The following SLC6A15 variants were observed in gnomAD, a reference collection of about 807,000 sequenced individuals.
The protein encoded by SLC6A15 is solute carrier family 6 member 15, also known as sodium-dependent neutral amino acid transporter B(0)AT2.
Under a neutral mutation model 68.5 loss-of-function variants are expected in SLC6A15, and 33 were observed. The ratio of observed to expected loss-of-function variants is 0.48; its 90% CI spans 0.37 to 0.64. The LOEUF is 0.64. SLC6A15 is among the 30% of genes least tolerant of loss of function. The probability of loss-of-function intolerance (pLI) is 0.00; values close to 1 mark genes in which losing one functional copy is unlikely to be tolerated. For synonymous variants in SLC6A15, 347 were observed against 301.0 expected (o/e 1.15, Z -1.58); for missense variants, 747 against 874.3 (o/e 0.85, Z 1.84).
At chr12:84,898,128 C>T (rs763275163) in intron 1 of SLC6A15, among the ~76,000 whole-genome samples, 4 of 152,094 alleles carry the variant, frequency 2.6e-5, no homozygotes, top group East Asian at 1.9e-4. Context: ...TCACTTGATG[C>T]CAGGAGTTCA....
intron 2 of SLC6A15, among the ~76,000 whole-genome samples, chr12:84,890,749 A>G (rs1245615653): frequency 6.6e-6 from 1 of 152,196 alleles, no homozygotes; most frequent in Non-Finnish European, 1.5e-5. Context: ...TTACATACGC[A>G]TGGGTTTTAT....
chr12:84,896,761 T>C (rs1872652350), intron 1 of SLC6A15, among the ~76,000 whole-genome samples: 1 of 152,188 alleles, frequency 6.6e-6, no homozygotes, highest in Admixed American at 6.5e-5. Context: ...GGAAACAATG[T>C]GCTTCAGAGT....
chr12:84,884,686 AT>A (rs1348254001), intron 4 of SLC6A15, among the ~76,000 whole-genome samples: 4 of 152,100 alleles, frequency 2.6e-5, no homozygotes, highest in African/African-American at 9.7e-5. Context: ...CTGGGTAAGC[AT>A]TGTCAAATAT....
intron 5 of SLC6A15, among the ~76,000 whole-genome samples, chr12:84,877,991 A>G (rs893811206): frequency 1.3e-5 from 2 of 152,154 alleles, no homozygotes; most frequent in Non-Finnish European, 2.9e-5. Flanking sequence ...AATTGGAACA[A>G]TGGAGGAAAA....
chr12:84,869,683 A>T (rs1237522511), intron 9 of SLC6A15, among the ~76,000 whole-genome samples: 3 of 151,942 alleles, frequency 2.0e-5, no homozygotes, highest in Non-Finnish European at 2.9e-5. Context: ...TCCTCTTTCC[A>T]ATTCAACTTT....
chr12:84,897,141 G>A (rs998189432), intron 1 of SLC6A15, among the ~76,000 whole-genome samples: 1 of 152,010 alleles, frequency 6.6e-6, no homozygotes. Context: ...TGCAGGCAGC[G>A]GTTGCAGAGA....
chr12:84,865,387 ACCT>A (rs1021090883), intron 10 of SLC6A15, among the ~76,000 whole-genome samples: 9 of 152,162 alleles, frequency 5.9e-5, no homozygotes, highest in Admixed American at 2.0e-4. Flanking sequence ...TATGTGCATA[ACCT>A]CCTCCATTAT....
At chr12:84,872,815 C>A (rs779528213) in intron 7 of SLC6A15, 21 bp from the exon 8 acceptor site, 1 of 1,569,498 alleles carries the variant, frequency 6.4e-7, no homozygotes, top group Non-Finnish European at 8.7e-7. Flanking sequence ...AAACAACATA[C>A]AAATGAGCAC....
chr12:84,861,362 A>G lies in SLC6A15; in HGVS notation c.*270T>C. 1 of 305,828 alleles carries G rather than the reference A, an allele frequency of 3.3e-6. No individual in the cohort carries two copies. 18.9% of individuals were successfully genotyped at this position (305,828 alleles called of 1,614,324 possible). A position where few individuals can be genotyped will look rare whatever the true frequency, so the allele number is the denominator to read the frequency against. On this transcript the variant is annotated 3_prime_UTR_variant, in exon 12 of 12. Coordinates refer to ENST00000266682, the MANE Select transcript of SLC6A15 (RefSeq NM_182767.6). Reference sequence around the variant, plus strand: ...TTTTTTTAAGAGATAGAAATATTTGAAAATACACCAAAGGTACTTAAAAAA... The same window carrying G: ...TTTTTTTAAGAGATAGAAATATTTGGAAATACACCAAAGGTACTTAAAAAA...
chr12:84,893,213 G>C (rs963793296), intron 1 of SLC6A15, among the ~76,000 whole-genome samples: 4 of 152,142 alleles, frequency 2.6e-5, no homozygotes, highest in African/African-American at 9.7e-5. Context: ...CAATTCTGTA[G>C]TGCAGAATTT....
At chr12:84,876,834 G>GA (rs776043904) in intron 5 of SLC6A15, among the ~76,000 whole-genome samples, 9 of 152,090 alleles carry the variant, frequency 5.9e-5, no homozygotes, top group Non-Finnish European at 8.8e-5. Flanking sequence ...TATCTCCTTT[G>GA]AAAAAATCCA....
chr12:84,874,935 T>G (rs1871450187), intron 6 of SLC6A15, among the ~76,000 whole-genome samples: 1 of 152,190 alleles, frequency 6.6e-6, no homozygotes, highest in Admixed American at 6.5e-5. Flanking sequence ...TAATAGAGTC[T>G]TATCAACACT....
intron 11 of SLC6A15, 37 bp from the exon 12 acceptor site, chr12:84,862,043 T>A: frequency 6.6e-7 from 1 of 1,521,084 alleles, no homozygotes; most frequent in East Asian, 2.3e-5. Context: ...TAGTAATCTA[T>A]CTTTCTTTGC....
intron 5 of SLC6A15, among the ~76,000 whole-genome samples, chr12:84,878,483 C>A (rs1871662670): frequency 6.6e-6 from 1 of 151,930 alleles, no homozygotes; most frequent in Admixed American, 6.6e-5. Flanking sequence ...ACAATAGCTT[C>A]TTTTTATGTT....
intron 9 of SLC6A15, among the ~76,000 whole-genome samples, chr12:84,869,252 G>T (rs1309579859): frequency 1.3e-5 from 2 of 152,046 alleles, no homozygotes; most frequent in East Asian, 1.9e-4. Flanking sequence ...GAGGTCAGGA[G>T]ATTGAGACCA....
chr12:84,876,654 T>C (rs768050034), intron 5 of SLC6A15, 47 bp from the exon 6 acceptor site: 1 of 873,016 alleles, frequency 1.1e-6, no homozygotes, highest in Non-Finnish European at 1.8e-6. Flanking sequence ...ATGACCATTT[T>C]TTTATAGATA....
intron 2 of SLC6A15, 97 bp from the exon 3 acceptor site, chr12:84,886,165 T>C (rs965869525): frequency 5.0e-5 from 40 of 798,624 alleles, no homozygotes; most frequent in South Asian, 1.7e-4. Context: ...TGAATTACTA[T>C]ATAGTGCAAT....
chr12:84,872,189 T>C (rs1309324273), intron 8 of SLC6A15, among the ~76,000 whole-genome samples: 1 of 151,456 alleles, frequency 6.6e-6, no homozygotes, highest in Non-Finnish European at 1.5e-5. Flanking sequence ...TCATGACTTG[T>C]GGAACACAAC....
intron 1 of SLC6A15, among the ~76,000 whole-genome samples, chr12:84,910,928 C>T (rs867299236): frequency 2.6e-4 from 38 of 143,422 alleles, no homozygotes; most frequent in Non-Finnish European, 3.3e-4. Context: ...GCCCTCTTTC[C>T]GTGTGTGTGT....
Sources: gnomAD v4.1 joint callset for allele counts (sites outside exome capture counted in the v4.1 genomes callset) on GRCh38, gnomAD v4.1.1 for gene constraint, MANE v1.5 for transcripts, NCBI Gene and HGNC (gene_info 2026-07-23, HGNC 2026-07-21) for gene names.